The following PALLD variants were observed in gnomAD, a reference collection of about 807,000 sequenced individuals.
The protein encoded by PALLD is palladin, cytoskeletal associated protein.
A neutral mutation model predicts 123.5 loss-of-function variants in PALLD; 61 were observed. The observed-to-expected ratio is 0.49, with a 90% CI of 0.40 to 0.61. The LOEUF is 0.61. Ranked by LOEUF, PALLD falls within the 20% of genes least tolerant of loss-of-function variation. The pLI, the probability that PALLD is intolerant of heterozygous loss-of-function variation, is 0.00. For missense variants in PALLD, 1,273 were observed against 1,377.0 expected, an observed-to-expected ratio of 0.92 and a Z score of 1.20; for synonymous variants, 465 against 496.4, an observed-to-expected ratio of 0.94 and a Z score of 0.84.
chr4:168,546,555 G>A (rs965971765), intron 2 of PALLD, among the ~76,000 whole-genome samples: 3 of 152,098 alleles, frequency 2.0e-5, no homozygotes, highest in Non-Finnish European at 2.9e-5. Flanking sequence ...ATGGATCTTA[G>A]AGCCAGGAGT....
At chr4:168,749,543 C>A (rs1401409172) in intron 10 of PALLD, among the ~76,000 whole-genome samples, 2 of 152,064 alleles carry the variant, frequency 1.3e-5, no homozygotes, top group African/African-American at 4.8e-5. Flanking sequence ...CCCATCTCTA[C>A]TAAAACTGCA....
chr4:168,715,705 C>T (rs1399107386), intron 10 of PALLD, among the ~76,000 whole-genome samples: 2 of 152,180 alleles, frequency 1.3e-5, no homozygotes, highest in East Asian at 1.9e-4. Context: ...AATCCCAGTA[C>T]TTTGGAAGGC....
intron 8 of PALLD, among the ~76,000 whole-genome samples, chr4:168,698,869 A>C (rs1783412790): frequency 6.6e-6 from 1 of 152,168 alleles, no homozygotes; most frequent in Admixed American, 6.5e-5. Flanking sequence ...ACATAAAGAA[A>C]ATCGAAGGAA....
chr4:168,506,637 T>G (rs1318232172), intron 1 of PALLD, among the ~76,000 whole-genome samples: 2 of 152,198 alleles, frequency 1.3e-5, no homozygotes, highest in Non-Finnish European at 2.9e-5. Context: ...CAGCGCTCTA[T>G]CCTAAAAATG....
chr4:168,659,350 A>G (rs17054449), intron 2 of PALLD, among the ~76,000 whole-genome samples: 31,322 of 152,082 alleles, frequency 0.21, 3,321 homozygotes, highest in African/African-American at 0.25. Context: ...TTATACCATT[A>G]CAGAAACTGG....
At chr4:168,506,341 A>G (rs1173175899) in intron 1 of PALLD, among the ~76,000 whole-genome samples, 3 of 151,248 alleles carry the variant, frequency 2.0e-5, no homozygotes. Context: ...CTTTCTTTCT[A>G]TTACAAATTT....
At chr4:168,749,013 G>A (rs1730680352) in intron 10 of PALLD, among the ~76,000 whole-genome samples, 1 of 152,190 alleles carries the variant, frequency 6.6e-6, no homozygotes, top group Non-Finnish European at 1.5e-5. Context: ...ATGTTGAAAT[G>A]TAATCCCCAG....
intron 2 of PALLD, among the ~76,000 whole-genome samples, chr4:168,587,121 A>G (rs977168947): frequency 3.9e-5 from 6 of 152,184 alleles, no homozygotes; most frequent in African/African-American, 1.4e-4. Flanking sequence ...ACGACAAAGA[A>G]TTCTCCAGCC....
chr4:168,579,988 A>T (rs781443321), intron 2 of PALLD, among the ~76,000 whole-genome samples: 2 of 152,008 alleles, frequency 1.3e-5, no homozygotes, highest in Non-Finnish European at 2.9e-5. Flanking sequence ...TCCAAAATTT[A>T]TTCGTCCTGA....
intron 8 of PALLD, among the ~76,000 whole-genome samples, chr4:168,702,515 T>C (rs1486905301): frequency 2.0e-5 from 3 of 151,990 alleles, no homozygotes; most frequent in East Asian, 1.9e-4. Context: ...GATAGCACCA[T>C]TGCACTCCAG....
chr4:168,516,143 T>G (rs1053085391), intron 2 of PALLD, among the ~76,000 whole-genome samples: 2 of 152,212 alleles, frequency 1.3e-5, no homozygotes, highest in Non-Finnish European at 2.9e-5. Context: ...GAAGAGCTGA[T>G]AGAAGAAAAC....
At chr4:168,887,071 G>A (rs1444163559) in intron 10 of PALLD, among the ~76,000 whole-genome samples, 1 of 148,488 alleles carries the variant, frequency 6.7e-6, no homozygotes, top group Non-Finnish European at 1.5e-5. Flanking sequence ...GAGCCGAGAT[G>A]GTGCCACTGC....
At chr4:168,622,922 C>G (rs1774900215) in intron 2 of PALLD, among the ~76,000 whole-genome samples, 1 of 152,170 alleles carries the variant, frequency 6.6e-6, no homozygotes, top group Non-Finnish European at 1.5e-5. Flanking sequence ...GAAGTTTCCC[C>G]AGAGACGCAG....
rs113939572 is a variant in PALLD, at chr4:168,683,733, A to G, written c.1260+630A>G. ...ATGTCTCTAAATCATGGTTTAATGA[A>G]TATGTTCAAAGACAACACTCACAGA... On this transcript the variant is annotated intron_variant, in intron 5 of 21. Coordinates refer to ENST00000505667, the MANE Select transcript of PALLD (RefSeq NM_001166108.2). 1.4e-4 allele frequency among the ~76,000 whole-genome samples: 21 copies of G among 152,324 alleles called. 2 individuals are homozygous for G. The highest frequency in any genetic ancestry group is 4.8e-4 in the African/African-American group (20 of 41,580).
intron 10 of PALLD, among the ~76,000 whole-genome samples, chr4:168,885,943 T>C (rs1315165215): frequency 1.3e-5 from 2 of 152,248 alleles, no homozygotes; most frequent in African/African-American, 4.8e-5. Flanking sequence ...ACAGTTCCCA[T>C]CACCACCTAT....
intron 10 of PALLD, among the ~76,000 whole-genome samples, chr4:168,764,417 T>A (rs988810608): frequency 6.6e-6 from 1 of 152,038 alleles, no homozygotes; most frequent in African/African-American, 2.4e-5. Context: ...TTTAAAAAAA[T>A]TTTTTTAGAA....
intron 2 of PALLD, among the ~76,000 whole-genome samples, chr4:168,542,596 A>T (rs1765724782): frequency 6.7e-6 from 1 of 150,268 alleles, no homozygotes; most frequent in South Asian, 2.1e-4. Flanking sequence ...CATAAACAGA[A>T]AAATTATACC....
At chr4:168,792,899 T>C (rs1449477250) in intron 10 of PALLD, among the ~76,000 whole-genome samples, 7 of 151,642 alleles carry the variant, frequency 4.6e-5, no homozygotes, top group Non-Finnish European at 7.4e-5. Flanking sequence ...CCCAAGTAGC[T>C]GAGATTACAG....
intron 10 of PALLD, among the ~76,000 whole-genome samples, chr4:168,769,569 C>G (rs1216407196): frequency 6.6e-6 from 1 of 152,216 alleles, no homozygotes; most frequent in East Asian, 1.9e-4. Context: ...CTTCTCTGCT[C>G]TATCATGGGT....
Sources: gnomAD v4.1 joint callset for allele counts (sites outside exome capture counted in the v4.1 genomes callset) on GRCh38, gnomAD v4.1.1 for gene constraint, MANE v1.5 for transcripts, NCBI Gene and HGNC (gene_info 2026-07-23, HGNC 2026-07-21) for gene names.